HERC1: variants seen among roughly 807,000 people sequenced by gnomAD.
HERC1 encodes the protein probable E3 ubiquitin-protein ligase HERC1.
Under a neutral mutation model 554.3 loss-of-function variants are expected in HERC1, and 160 were observed. The observed-to-expected ratio is 0.29, with a 90% CI of 0.25 to 0.33. The LOEUF (loss-of-function observed/expected upper bound fraction) is 0.33. Among genes scored for constraint, HERC1 ranks in the 10% least tolerant of loss-of-function variants. HERC1 has a pLI of 1.00. For synonymous variants in HERC1, 2,175 were observed against 2,131.7 expected (o/e 1.02, Z -0.56); for missense variants, 4,919 against 5,918.5 (o/e 0.83, Z 5.54).
At chr15:63,664,740 T>C (rs1429008124) in intron 42 of HERC1, 146 bp from the exon 43 acceptor site, 3 of 644,670 alleles carry the variant, frequency 4.7e-6, no homozygotes, top group East Asian at 2.9e-5. Flanking sequence ...TCTTTATCCC[T>C]TGAACAGTTC....
At chr15:63,821,693 C>T (rs986436033) in intron 1 of HERC1, among the ~76,000 whole-genome samples, 1 of 139,618 alleles carries the variant, frequency 7.2e-6, no homozygotes, top group South Asian at 2.3e-4. Flanking sequence ...CACCACTGCA[C>T]TCCAGCCTGG....
At chr15:63,766,091 G>T (rs1001367365) in intron 2 of HERC1, among the ~76,000 whole-genome samples, 2 of 151,992 alleles carry the variant, frequency 1.3e-5, no homozygotes, top group Non-Finnish European at 2.9e-5. Flanking sequence ...CTGGGCTCAA[G>T]TGATCCTCCC....
intron 21 of HERC1, among the ~76,000 whole-genome samples, chr15:63,717,352 G>A (rs1298312134): frequency 1.3e-5 from 2 of 152,146 alleles, no homozygotes; most frequent in African/African-American, 2.4e-5. Context: ...TCTACAAATG[G>A]AGAGAAAGAG....
At chr15:63,820,205 A>G (rs2077638255) in intron 1 of HERC1, among the ~76,000 whole-genome samples, 1 of 152,146 alleles carries the variant, frequency 6.6e-6, no homozygotes, top group African/African-American at 2.4e-5. Flanking sequence ...TTATTCCTTT[A>G]TATGTGCATC....
rs1179506112 is a variant in HERC1 at position 63,749,552 on chromosome 15, A to G, written c.2048-14T>C. The stretch of plus-strand genomic sequence containing the variant: ...AAACTTCATTATCTAAAAACAAAAT[A>G]TAAAGTATTATATAAAAGAAAAGCC... On this transcript the variant is annotated splice_polypyrimidine_tract_variant and intron_variant, in intron 9 of 77. Coordinates refer to ENST00000443617, the MANE Select transcript of HERC1 (RefSeq NM_003922.4). The surrounding 1 kb of genome is among the most constrained non-coding windows in gnomAD (Gnocchi z 4.1). The G allele has an allele frequency of 1.9e-6, 3 of 1,589,530 alleles. No homozygotes were observed. In the African/African-American group the frequency reaches 4.1e-5, roughly 22 times the overall value.
intron 1 of HERC1, among the ~76,000 whole-genome samples, chr15:63,825,480 T>C (rs545056238): frequency 3.3e-5 from 5 of 152,132 alleles, no homozygotes; most frequent in South Asian, 4.1e-4. Flanking sequence ...CAAAACATCA[T>C]GTGTACACAT....
rs1410347986 is a variant in HERC1 at position 63,694,066 on chromosome 15, C to T, written c.5572G>A (p.Val1858Ile). ...QLKNLLSQTG[V>I]LHMASFGEGE... ...TCTCCGAAAGAGGCCATATGTAGTA[C>T]ACCAGTTTGGGACAATAAATTCTTC... Residue 1858 changes from valine to isoleucine, a missense_variant, in exon 30 of 78, where the codon GTA (valine) becomes ATA (isoleucine). Physicochemically the swap from Val to Ile is conservative, Grantham distance 29 (BLOSUM62 3). Coordinates refer to ENST00000443617, the MANE Select transcript of HERC1 (RefSeq NM_003922.4). This position sits in a 1 kb window ranked among gnomAD's most constrained non-coding sequence, Gnocchi z 4.3. The T allele has an allele frequency of 6.2e-7, 1 of 1,608,792 alleles. No homozygotes were observed. The highest frequency in any genetic ancestry group is 1.7e-5 in the Admixed American group (1 of 59,278).
Position 63,727,958 on chromosome 15 carries a change from G to T in HERC1, c.3155-120C>A. The stretch of plus-strand genomic sequence containing the variant: ...TAGACTCATTCAACAACTCTCTGTT[G>T]AACACCTACCTGGTAGCTGATGTAG... On this transcript the variant is annotated intron_variant, in intron 16 of 77. Transcript: ENST00000443617. The surrounding 1 kb of genome is among the most constrained non-coding windows in gnomAD (Gnocchi z 4.3). 1 of 703,650 alleles carries T rather than the reference G, an allele frequency of 1.4e-6. No individual in the cohort carries two copies. Among genetic ancestry groups the T allele is most frequent in the Non-Finnish European group, 2.4e-6 (1 of 424,394 alleles). The allele number at this position is 703,650 out of a possible 1,614,324, so 43.6% of individuals were successfully genotyped here.
In HERC1 at chr15:63,632,846, G is replaced by A. The variant is rs1245156485; in HGVS notation, c.12694-35C>T. ...AAAAGTGTAAGGCACACAACTTTAA[G>A]AAGAAAAAAAATCACTCTTGAATTT... On this transcript the variant is annotated intron_variant, in intron 67 of 77. Transcript: ENST00000443617. 3 of 1,408,304 alleles carry A rather than the reference G, an allele frequency of 2.1e-6. No individual in the cohort carries two copies. The South Asian group carries it at 3.8e-5, about 18-fold the overall frequency. The allele number at this position is 1,408,304 out of a possible 1,614,324, so 87.2% of individuals were successfully genotyped here. A position where few individuals can be genotyped will look rare whatever the true frequency, so the allele number is the denominator to read the frequency against.
At chr15:63,678,451 T>C in intron 36 of HERC1, 86 bp from the exon 37 acceptor site, 4 of 1,428,200 alleles carry the variant, frequency 2.8e-6, no homozygotes, top group Non-Finnish European at 2.8e-6. Context: ...GAATCCCATG[T>C]TGAACTAGTA....
intron 67 of HERC1, 87 bp downstream of exon 67, chr15:63,633,761 G>A: frequency 1.4e-6 from 2 of 1,381,378 alleles, no homozygotes; most frequent in South Asian, 2.8e-5. Flanking sequence ...AGTACTAAAG[G>A]TAAATTATTT....
intron 68 of HERC1, 40 bp downstream of exon 68, chr15:63,632,669 A>C: frequency 7.7e-7 from 1 of 1,299,606 alleles, no homozygotes; most frequent in Admixed American, 2.0e-5. Context: ...AATGTTTATA[A>C]TGATGTGTAC....
chr15:63,654,022 C>A, intron 51 of HERC1, 97 bp downstream of exon 51: 1 of 906,804 alleles, frequency 1.1e-6, no homozygotes, highest in Non-Finnish European at 1.8e-6. Context: ...GAGAGTGACA[C>A]AAAGAGAGAG....
At position 63,655,780 on chromosome 15, in the gene HERC1, A is replaced by G. The variant is rs746756647; in HGVS notation, c.10046T>C (p.Leu3349Pro). ...TTCTGACTTATCATAGTTAGGTCTTAGTTTGGCCCCTTTGTCTGCTAGCAA... is the reference window on the plus strand; with the variant it reads ...TTCTGACTTATCATAGTTAGGTCTTGGTTTGGCCCCTTTGTCTGCTAGCAA... ...VALLADKGAK[L>P]RPNYDKSEVE... The change falls in exon 50 of 78, where the codon CTA becomes CCA. Residue 3349 changes from leucine to proline, a missense_variant. By Grantham distance (98) the Leu-to-Pro change is moderately conservative (BLOSUM62 -3). This residue lies in a region of HERC1 where 1,963 missense variants were observed against 2,228.6 expected (regional missense o/e 0.88). Transcript: ENST00000443617. The G allele has an allele frequency of 6.4e-7, 1 of 1,570,238 alleles. No homozygotes were observed. Among genetic ancestry groups the G allele is most frequent in the Non-Finnish European group, 8.6e-7 (1 of 1,156,110 alleles).
chr15:63,754,439 G>C (rs2075354039), intron 7 of HERC1, 66 bp downstream of exon 7: 1 of 1,386,366 alleles, frequency 7.2e-7, no homozygotes, highest in African/African-American at 1.4e-5. Flanking sequence ...ATATATAACT[G>C]AAAAATAAAT....
intron 77 of HERC1, among the ~76,000 whole-genome samples, chr15:63,610,931 C>T (rs575734245): frequency 6.6e-6 from 1 of 152,254 alleles, no homozygotes; most frequent in South Asian, 2.1e-4. Context: ...GGTTTGAGGG[C>T]TGTACCCAGT....
intron 1 of HERC1, among the ~76,000 whole-genome samples, chr15:63,784,169 T>TA (rs2076369948): frequency 6.6e-6 from 1 of 152,126 alleles, no homozygotes; most frequent in South Asian, 2.1e-4. Flanking sequence ...TCCAAGATGA[T>TA]AAATCTAATC....
At chr15:63,651,421 A>C (rs1566973942) in intron 52 of HERC1, 41 bp from the exon 53 acceptor site, 1 of 1,574,974 alleles carries the variant, frequency 6.3e-7, no homozygotes, top group Non-Finnish European at 8.6e-7. Context: ...AATCCCCATC[A>C]TTCAAAAGTA....
chr15:63,787,424 T>C (rs2143834470), intron 1 of HERC1, among the ~76,000 whole-genome samples: 1 of 152,256 alleles, frequency 6.6e-6, no homozygotes. Context: ...CCCAAAGTGC[T>C]GGAATTTCAG....
Sources: allele counts gnomAD v4.1 joint callset (sites outside exome capture counted in the v4.1 genomes callset), GRCh38; gene constraint gnomAD v4.1.1; regional missense constraint gnomAD v4.1.1; non-coding constraint Gnocchi (gnomAD v3.1); transcripts MANE v1.5; gene names NCBI Gene and HGNC (gene_info 2026-07-23, HGNC 2026-07-21).